The following CSTF3 variants were observed in gnomAD, a reference collection of about 807,000 sequenced individuals.
CSTF3 encodes CF-1 77 kDa subunit.
CSTF3 carries 29 observed loss-of-function variants against 105.8 expected under a neutral mutation model. The observed-to-expected ratio is 0.27, with a 90% confidence interval of 0.20 to 0.37. The LOEUF is 0.37. Among genes scored for constraint, CSTF3 ranks in the 10% least tolerant of loss-of-function variants. The pLI is 1.00. For synonymous variants in CSTF3, 252 were observed against 281.9 expected (o/e 0.89, Z 1.06); for missense variants, 357 against 879.3 (o/e 0.41, Z 7.51).
intron 17 of CSTF3, among the ~76,000 whole-genome samples, chr11:33,087,835 A>T (rs528974000): frequency 1.3e-5 from 2 of 152,210 alleles, no homozygotes; most frequent in African/African-American, 4.8e-5. Flanking sequence ...TCTGACCTCA[A>T]ATCCATCCAC....
At chr11:33,128,782 A>G (rs1036061825) in intron 3 of CSTF3, among the ~76,000 whole-genome samples, 4 of 152,214 alleles carry the variant, frequency 2.6e-5, no homozygotes, top group Non-Finnish European at 5.9e-5. Flanking sequence ...CTATTTCTAA[A>G]ATGTAAAAAA....
intron 14 of CSTF3, 110 bp from the exon 15 acceptor site, chr11:33,096,518 CAAATT>C (rs1855224675): frequency 2.7e-6 from 2 of 733,662 alleles, no homozygotes; most frequent in Admixed American, 3.2e-5. Context: ...AGAATTAAAA[CAAATT>C]AAAATCATGT....
chr11:33,134,831 G>C (rs1004590099), intron 3 of CSTF3, among the ~76,000 whole-genome samples: 1 of 152,074 alleles, frequency 6.6e-6, no homozygotes, highest in Non-Finnish European at 1.5e-5. Context: ...CCTGACTATA[G>C]TAAGTTAGAA....
rs1564999597 is a variant in CSTF3 at position 33,084,710 on chromosome 11, ATTGT to A, written c.*373_*376del. ...ACTCTACATAAGCAAACCAAGAACAATTGTTTTCAGAAAATGTGATAAAATGCTT... is the reference window on the plus strand; with the variant it reads ...ACTCTACATAAGCAAACCAAGAACAATTTCAGAAAATGTGATAAAATGCTT... On this transcript the variant is annotated 3_prime_UTR_variant, in exon 21 of 21. Coordinates refer to ENST00000323959, the MANE Select transcript of CSTF3 (RefSeq NM_001326.3). The A allele has an allele frequency of 4.8e-6, 1 of 210,416 alleles. No homozygotes were observed. The highest frequency in any genetic ancestry group is 1.2e-4 in the East Asian group (1 of 8,164). 13.0% of individuals were successfully genotyped at this position (210,416 alleles called of 1,614,324 possible). A position where few individuals can be genotyped will look rare whatever the true frequency, so the allele number is the denominator to read the frequency against.
chr11:33,152,362 C>T lies in CSTF3; in HGVS notation c.27+8937G>A, dbSNP rs546641002. Among the ~76,000 whole-genome samples the T allele has an allele frequency of 2.8e-4, 42 of 152,276 alleles. No individual in the cohort carries two copies. The South Asian group carries it at 7.9e-3, about 29-fold the overall frequency. On this transcript the variant is annotated intron_variant, in intron 1 of 20. Coordinates refer to ENST00000323959, the MANE Select transcript of CSTF3 (RefSeq NM_001326.3). ...CAGGTTGGACTTGAACTCCTGGGTT[C>T]GATCAATCCTCCTGCCTCAGCCTCC...
At chr11:33,158,405 C>CT (rs35425050) in intron 1 of CSTF3, among the ~76,000 whole-genome samples, 1 of 152,002 alleles carries the variant, frequency 6.6e-6, no homozygotes, top group East Asian at 1.9e-4. Context: ...GAAAAAAAGT[C>CT]TTTTTTGCAG....
chr11:33,085,690 G>A, intron 20 of CSTF3, 23 bp downstream of exon 20: 1 of 1,586,698 alleles, frequency 6.3e-7, no homozygotes, highest in Non-Finnish European at 8.6e-7. Context: ...ATGACACTCT[G>A]AAATGGAGCT....
In CSTF3 at chr11:33,097,794, G is replaced by A. The variant is rs193292761; in HGVS notation, c.1129-816C>T. Among the ~76,000 whole-genome samples the A allele has an allele frequency of 3.2e-4, 48 of 152,290 alleles. 1 individual carries two copies. The East Asian group carries it at 8.7e-3, about 28-fold the overall frequency. On this transcript the variant is annotated intron_variant, in intron 13 of 20. Transcript: ENST00000323959. ...CCATTTTATACCTAGCACCTACAGAGTGTCCAGTACATCATGAGTATGCAG... is the reference window on the plus strand; with the variant it reads ...CCATTTTATACCTAGCACCTACAGAATGTCCAGTACATCATGAGTATGCAG...
At chr11:33,122,431 AAAAT>A (rs1347794391) in intron 3 of CSTF3, among the ~76,000 whole-genome samples, 3 of 152,308 alleles carry the variant, frequency 2.0e-5, no homozygotes, top group Admixed American at 1.3e-4. Context: ...TTTCAGGAAA[AAAAT>A]ATATATGTAC....
At chr11:33,159,366 T>C (rs935126568) in intron 1 of CSTF3, among the ~76,000 whole-genome samples, 1 of 151,702 alleles carries the variant, frequency 6.6e-6, no homozygotes, top group Non-Finnish European at 1.5e-5. Context: ...AAGGCAGAGG[T>C]AGGCGGATCA....
At chr11:33,151,855 T>C (rs1849786524) in intron 1 of CSTF3, among the ~76,000 whole-genome samples, 1 of 152,224 alleles carries the variant, frequency 6.6e-6, no homozygotes, top group African/African-American at 2.4e-5. Context: ...CTTACCAACA[T>C]TTGATATTAT....
intron 3 of CSTF3, among the ~76,000 whole-genome samples, chr11:33,125,560 G>A (rs1855534594): frequency 6.6e-6 from 1 of 152,150 alleles, no homozygotes; most frequent in Non-Finnish European, 1.5e-5. Context: ...GAACATCTCA[G>A]GATTCCCCCA....
chr11:33,115,835 G>A (rs1855425665), intron 3 of CSTF3, among the ~76,000 whole-genome samples: 1 of 152,152 alleles, frequency 6.6e-6, no homozygotes, highest in Admixed American at 6.5e-5. Flanking sequence ...AGCATTTTGG[G>A]AGGCCGAAGG....
rs372359250 is a variant in CSTF3, at chr11:33,103,094, T to A, written c.663+13A>T. 5.3e-6 allele frequency: 8 copies of A among 1,505,870 alleles called. No homozygotes were observed. The highest frequency in any genetic ancestry group is 6.3e-6 in the Non-Finnish European group (7 of 1,109,266). The allele number at this position is 1,505,870 out of a possible 1,614,324, so 93.3% of individuals were successfully genotyped here. A position where few individuals can be genotyped will look rare whatever the true frequency, so the allele number is the denominator to read the frequency against. On this transcript the variant is annotated intron_variant, in intron 9 of 20. Transcript: ENST00000323959. Reference sequence around the variant, plus strand: ...CATAATAATCATTAAAATAGCCTGATGGAATTCCATACCTTTGCTACACGT... The same window carrying A: ...CATAATAATCATTAAAATAGCCTGAAGGAATTCCATACCTTTGCTACACGT...
At chr11:33,117,787 T>C (rs1473537256) in intron 3 of CSTF3, among the ~76,000 whole-genome samples, 4 of 151,942 alleles carry the variant, frequency 2.6e-5, no homozygotes, top group African/African-American at 9.7e-5. Flanking sequence ...AACAATGGGA[T>C]GAGATATAGA....
At chr11:33,150,250 G>GAAA (rs3060640) in intron 1 of CSTF3, among the ~76,000 whole-genome samples, 2 of 144,686 alleles carry the variant, frequency 1.4e-5, no homozygotes, top group Admixed American at 1.4e-4. Flanking sequence ...GAAAAGAAAA[G>GAAA]AAAAGAAAAC....
At chr11:33,143,654 G>A (rs1050420936) in intron 1 of CSTF3, among the ~76,000 whole-genome samples, 1 of 152,092 alleles carries the variant, frequency 6.6e-6, no homozygotes, top group Admixed American at 6.6e-5. Context: ...GAAGGCTGAG[G>A]CACAAGAATT....
At chr11:33,149,300 T>C (rs953105911) in intron 1 of CSTF3, among the ~76,000 whole-genome samples, 3 of 152,212 alleles carry the variant, frequency 2.0e-5, no homozygotes, top group Non-Finnish European at 2.9e-5. Context: ...ACACAATCTA[T>C]ACATGTAATT....
intron 3 of CSTF3, among the ~76,000 whole-genome samples, chr11:33,139,257 AG>A (rs1855685324): frequency 6.6e-6 from 1 of 151,918 alleles, no homozygotes; most frequent in Admixed American, 6.6e-5. Flanking sequence ...TATTAAAAAA[AG>A]GTATTTGGAG....
Sources: gnomAD v4.1 joint callset for allele counts (sites outside exome capture counted in the v4.1 genomes callset) on GRCh38, gnomAD v4.1.1 for gene constraint, MANE v1.5 for transcripts, NCBI Gene and HGNC (gene_info 2026-07-23, HGNC 2026-07-21) for gene names.